AMD1: variants seen among roughly 807,000 people sequenced by gnomAD.
AMD1 encodes the protein S-adenosylmethionine decarboxylase proenzyme.
AMD1 carries 11 observed loss-of-function variants against 40.2 expected under a neutral mutation model. The observed-to-expected ratio is 0.27, with a 90% CI of 0.17 to 0.45. The LOEUF (loss-of-function observed/expected upper bound fraction) is 0.45, where lower values mean the gene tolerates loss of function less well. Ranked by LOEUF, AMD1 falls within the 20% of genes least tolerant of loss-of-function variation. The pLI is 1.00. For missense variants in AMD1, 257 were observed against 410.2 expected (o/e 0.63, Z 3.23); for synonymous variants, 121 against 130.8 (o/e 0.93, Z 0.51).
intron 3 of AMD1, chr6:110,889,194 G>A: frequency 2.7e-6 from 1 of 368,506 alleles, no homozygotes; most frequent in East Asian, 5.2e-5. Flanking sequence ...ATTCAAATGG[G>A]AGAAAGAAAT....
rs760317426 is a variant in AMD1, at chr6:110,888,983, A to G, written c.324A>G (p.Gln108=). 130 of 1,611,260 alleles carry G rather than the reference A, an allele frequency of 8.1e-5. No homozygotes were observed. In the East Asian group the frequency reaches 2.9e-3, roughly 36 times the overall value. The change falls in exon 3 of 9, where the codon CAA becomes CAG. Residue 108 remains glutamine, a splice_region_variant and synonymous_variant. Transcript: ENST00000368885. ...ATTACAGTGGGTTTGACTCAATTCA[A>G]GTAAGTAAGCAAACATTTAAATATT... ...ARDYSGFDSI[Q]SFFYSRKNFM...
At chr6:110,877,258 G>C (rs1785163368) in intron 1 of AMD1, among the ~76,000 whole-genome samples, 1 of 151,892 alleles carries the variant, frequency 6.6e-6, no homozygotes, top group Non-Finnish European at 1.5e-5. Flanking sequence ...TGTAGATAAA[G>C]CAAGTTAAGC....
At chr6:110,842,494 G>A in the AMD1 span, among the ~76,000 whole-genome samples, 1 of 152,122 alleles carries the variant, frequency 6.6e-6, no homozygotes, top group Non-Finnish European at 1.5e-5. Context: ...GGGACTTGGA[G>A]AACCAACACA....
Position 110,892,925 on chromosome 6 carries a change from A to G in AMD1, c.724A>G (p.Ile242Val), listed in dbSNP as rs1195065339. The change falls in exon 8 of 9, where the codon ATT becomes GTT. Residue 242 changes from isoleucine (I) to valine (V), a missense_variant. By Grantham distance (29) the Ile-to-Val change is conservative. Coordinates refer to ENST00000368885, the MANE Select transcript of AMD1 (RefSeq NM_001634.6). The part of the protein sequence containing the change: ...GMKSDGTYWT[I>V]HITPEPEFSY... ...TTTCTCTCAGGGAACTTATTGGACT[A>G]TTCACATCACTCCAGAACCAGAATT... 7 of 1,613,996 alleles carry G rather than the reference A, an allele frequency of 4.3e-6. No homozygotes were observed. Among genetic ancestry groups the G allele is most frequent in the Non-Finnish European group, 5.9e-6 (7 of 1,179,988 alleles).
intron 2 of AMD1, 160 bp from the exon 3 acceptor site, chr6:110,888,697 T>C (rs1785841956): frequency 6.6e-6 from 4 of 605,774 alleles, no homozygotes; most frequent in Non-Finnish European, 1.1e-5. Flanking sequence ...GGGGATGTTT[T>C]GTATACTAGA....
the AMD1 span, among the ~76,000 whole-genome samples, chr6:110,851,737 C>T: frequency 1.3e-5 from 2 of 152,168 alleles, no homozygotes; most frequent in Non-Finnish European, 2.9e-5. Context: ...GCTGGGATTA[C>T]AAGTGTGAGC....
chr6:110,877,967 G>C (rs976747087), intron 1 of AMD1, among the ~76,000 whole-genome samples: 1 of 152,042 alleles, frequency 6.6e-6, no homozygotes, highest in Admixed American at 6.6e-5. Flanking sequence ...CTAAAGACAA[G>C]GATAACAAGA....
At chr6:110,889,088 T>C in intron 3 of AMD1, 105 bp downstream of exon 3, 1 of 1,390,814 alleles carries the variant, frequency 7.2e-7, no homozygotes, top group African/African-American at 1.4e-5. Context: ...TTTGTTACAA[T>C]GCATGCAAAC....
chr6:110,830,105 C>T, the AMD1 span, among the ~76,000 whole-genome samples: 61 of 152,070 alleles, frequency 4.0e-4, 1 homozygote, highest in South Asian at 1.0e-3. Context: ...ACCTCCACCT[C>T]CTGGGTTCAA....
the AMD1 span, among the ~76,000 whole-genome samples, chr6:110,860,833 C>CCACA: frequency 6.6e-3 from 849 of 128,172 alleles, 6 homozygotes; most frequent in African/African-American, 0.019. Flanking sequence ...AAACACCCAC[C>CCACA]CACACACACA....
chr6:110,827,385 C>T, the AMD1 span, among the ~76,000 whole-genome samples: 1 of 152,024 alleles, frequency 6.6e-6, no homozygotes, highest in African/African-American at 2.4e-5. Context: ...TCAAGCAATC[C>T]TCCCACCTCA....
At position 110,893,498 on chromosome 6, in the gene AMD1, T is replaced by A. The variant is rs1562341408; in HGVS notation, c.887T>A (p.Leu296His). 1 of 1,614,002 alleles carries A rather than the reference T, an allele frequency of 6.2e-7. No homozygotes were observed. The highest frequency in any genetic ancestry group is 2.2e-5 in the East Asian group (1 of 44,892). ...VNQSSKCRTV[L>H]ASPQKIEGFK... The stretch of plus-strand genomic sequence containing the variant: ...CAGAGTTCTAAATGTCGCACAGTGC[T>A]TGCTTCGCCCCAGAAGATTGAAGGT... The change falls in exon 9 of 9, where the codon CTT becomes CAT. Residue 296 changes from leucine (L) to histidine (H), a missense_variant. This residue lies in a region of AMD1 where 192 missense variants were observed against 296.5 expected (regional missense o/e 0.65). Coordinates refer to ENST00000368885, the MANE Select transcript of AMD1 (RefSeq NM_001634.6).
chr6:110,892,863 ATG>A, intron 7 of AMD1, 36 bp downstream of exon 7: 1 of 1,613,562 alleles, frequency 6.2e-7, no homozygotes. Context: ...AATTATTTAA[ATG>A]TGAATAGTCT....
At chr6:110,881,227 C>G (rs1160094976) in intron 1 of AMD1, among the ~76,000 whole-genome samples, 6 of 152,120 alleles carry the variant, frequency 3.9e-5, no homozygotes, top group African/African-American at 1.4e-4. Flanking sequence ...GCATTCTTGA[C>G]ATTTTGATTC....
the AMD1 span, among the ~76,000 whole-genome samples, chr6:110,837,730 AAAAAAAAAAAAAAAAATAT>A: frequency 2.4e-3 from 270 of 110,420 alleles, 4 homozygotes; most frequent in African/African-American, 0.01. Flanking sequence ...AAAAAAAAAA[AAAAAAAAAAAAAAAAATAT>A]ATATATATAT....
chr6:110,870,438 C>A (rs921152821), upstream of AMD1, among the ~76,000 whole-genome samples: 1 of 152,044 alleles, frequency 6.6e-6, no homozygotes, highest in Non-Finnish European at 1.5e-5. Context: ...GCCTGGGGAA[C>A]ATGGTGAAAT....
At chr6:110,892,713 C>T (rs769804124) in intron 6 of AMD1, 22 bp from the exon 7 acceptor site, 15 of 1,529,268 alleles carry the variant, frequency 9.8e-6, no homozygotes, top group African/African-American at 6.0e-5. Context: ...CCTTGTTAAA[C>T]TCGGTCTTTT....
the AMD1 span, among the ~76,000 whole-genome samples, chr6:110,821,327 A>C: frequency 1.3e-5 from 2 of 152,084 alleles, no homozygotes; most frequent in African/African-American, 4.8e-5. Flanking sequence ...AGCCGGGCAC[A>C]GTGGCTCACG....
At chr6:110,883,243 G>C (rs1479206879) in intron 1 of AMD1, among the ~76,000 whole-genome samples, 1 of 152,232 alleles carries the variant, frequency 6.6e-6, no homozygotes, top group Non-Finnish European at 1.5e-5. Context: ...CAAGGACTCT[G>C]AGAAGTAAAT....
Sources: allele counts gnomAD v4.1 joint callset (sites outside exome capture counted in the v4.1 genomes callset), GRCh38; gene constraint gnomAD v4.1.1; regional missense constraint gnomAD v4.1.1; transcripts MANE v1.5; gene names NCBI Gene and HGNC (gene_info 2026-07-23, HGNC 2026-07-21).